The following KCNK17 variants were observed in gnomAD, a reference collection of about 807,000 sequenced individuals.
The protein encoded by KCNK17 is potassium channel subfamily K member 17.
A neutral mutation model predicts 24.6 loss-of-function variants in KCNK17; 27 were observed. The ratio of observed to expected loss-of-function variants is 1.10; its 90% CI spans 0.81 to 1.51. The LOEUF (loss-of-function observed/expected upper bound fraction) is 1.51. KCNK17 is among the 40% of genes most tolerant of loss of function. The probability of loss-of-function intolerance (pLI) is 0.00; values close to 1 mark genes in which losing one functional copy is unlikely to be tolerated. For missense variants in KCNK17, 450 were observed against 436.6 expected (o/e 1.03, Z -0.27); for synonymous variants, 181 against 189.8 (o/e 0.95, Z 0.38).
chr6:39,303,845 C>G, intron 4 of KCNK17, 112 bp downstream of exon 4: 1 of 1,261,184 alleles, frequency 7.9e-7, no homozygotes, highest in Non-Finnish European at 1.1e-6. Context: ...ATTTTGGGCC[C>G]AAAAGCCCCC....
intron 2 of KCNK17, among the ~76,000 whole-genome samples, chr6:39,309,796 C>T (rs1583770946): frequency 6.6e-6 from 1 of 152,184 alleles, no homozygotes; most frequent in African/African-American, 2.4e-5. Flanking sequence ...TGAGTGGCTG[C>T]TGTATGCTGG....
intron 4 of KCNK17, among the ~76,000 whole-genome samples, chr6:39,303,647 G>T (rs1761981247): frequency 6.6e-6 from 1 of 152,186 alleles, no homozygotes; most frequent in Non-Finnish European, 1.5e-5. Flanking sequence ...GGGAGAGAGT[G>T]AAGTGGGGAA....
chr6:39,304,260 G>A, intron 3 of KCNK17, 129 bp from the exon 4 acceptor site: 1 of 961,684 alleles, frequency 1.0e-6, no homozygotes, highest in South Asian at 1.6e-5. Context: ...GTGTTCTCCA[G>A]GTTCCCTGCC....
chr6:39,299,329 G>T lies in KCNK17; in HGVS notation c.*98C>A, dbSNP rs1309652015. ...CATATAGCTGCACCCAGCCTCTAGG[G>T]TGGATGGAAAATGTAGTCTTTAGTT... On this transcript the variant is annotated 3_prime_UTR_variant, in exon 5 of 5. Coordinates refer to ENST00000373231, the MANE Select transcript of KCNK17 (RefSeq NM_031460.4). The T allele has an allele frequency of 2.2e-6, 2 of 905,110 alleles. No individual in the cohort carries two copies. Among genetic ancestry groups the T allele is most frequent in the East Asian group, 2.6e-5 (1 of 37,924 alleles). The allele number at this position is 905,110 out of a possible 1,614,324, so 56.1% of individuals were successfully genotyped here.
At position 39,299,329 on chromosome 6, in the gene KCNK17, G is replaced by A. The variant is rs1309652015; in HGVS notation, c.*98C>T. The A allele has an allele frequency of 7.7e-6, 7 of 905,110 alleles. No homozygotes were observed. The highest frequency in any genetic ancestry group is 1.0e-5 in the Non-Finnish European group (6 of 593,250). The allele number at this position is 905,110 out of a possible 1,614,324, so 56.1% of individuals were successfully genotyped here. ...CATATAGCTGCACCCAGCCTCTAGG[G>A]TGGATGGAAAATGTAGTCTTTAGTT... On this transcript the variant is annotated 3_prime_UTR_variant, in exon 5 of 5. Transcript: ENST00000373231.
rs1761996246 is a variant in KCNK17 at position 39,304,237 on chromosome 6, C to A, written c.514-106G>T. 5 of 1,109,324 alleles carry A rather than the reference C, an allele frequency of 4.5e-6. No homozygotes were observed. In the South Asian group the frequency reaches 5.9e-5, roughly 13 times the overall value. The allele number at this position is 1,109,324 out of a possible 1,614,324, so 68.7% of individuals were successfully genotyped here. On this transcript the variant is annotated intron_variant, in intron 3 of 4. Coordinates refer to ENST00000373231, the MANE Select transcript of KCNK17 (RefSeq NM_031460.4). ...AGCTGTCCCCAGTAAGAAGGGGGCTCTTCACCTGGTCTGTGTTCTCCAGGT... is the reference window on the plus strand; with the variant it reads ...AGCTGTCCCCAGTAAGAAGGGGGCTATTCACCTGGTCTGTGTTCTCCAGGT...
chr6:39,310,829 G>T, intron 2 of KCNK17, 64 bp downstream of exon 2: 1 of 1,126,662 alleles, frequency 8.9e-7, no homozygotes, highest in Non-Finnish European at 1.3e-6. Context: ...CAACTAGCCT[G>T]TTGCCTCTCA....
intron 4 of KCNK17, chr6:39,300,398 A>G (rs1340499763): frequency 1.6e-6 from 2 of 1,240,666 alleles, no homozygotes; most frequent in Non-Finnish European, 2.3e-6. Context: ...TGTTAGAATT[A>G]CAGGTGTGAG....
rs765032763 is a variant in KCNK17, at chr6:39,299,733, C to T, written c.693G>A (p.Met231Ile). The T allele has an allele frequency of 1.2e-6, 2 of 1,612,346 alleles. No homozygotes were observed. Among genetic ancestry groups the T allele is most frequent in the Non-Finnish European group, 8.5e-7 (1 of 1,178,664 alleles). The change falls in exon 5 of 5, where the codon ATG becomes ATA. Residue 231 changes from methionine (M) to isoleucine (I), a missense_variant. Met to Ile is a conservative substitution (Grantham distance 10, BLOSUM62 1). Transcript: ENST00000373231. ...ACAGTGGGTACCTCTGGGAGGGGTT[C>T]ATTCCTGGGGAAGAGGCAAGGTCAG... ...TVGFGDYVIG[M>I]NPSQRYPLWY...
At chr6:39,302,063 C>T (rs1031676442) in intron 4 of KCNK17, among the ~76,000 whole-genome samples, 4 of 152,306 alleles carry the variant, frequency 2.6e-5, no homozygotes, top group Non-Finnish European at 5.9e-5. Flanking sequence ...TCAGTGTCTC[C>T]ATCTGTATAA....
chr6:39,312,262 G>C (rs1762153238), intron 1 of KCNK17, among the ~76,000 whole-genome samples: 1 of 152,200 alleles, frequency 6.6e-6, no homozygotes, highest in Non-Finnish European at 1.5e-5. Context: ...TCTTGGCCTT[G>C]AGGAATTTCA....
chr6:39,301,742 G>C (rs559606227), intron 4 of KCNK17, among the ~76,000 whole-genome samples: 2 of 152,224 alleles, frequency 1.3e-5, no homozygotes, highest in African/African-American at 4.8e-5. Context: ...AGGAGTAGCC[G>C]GATGGGACCT....
At chr6:39,313,210 C>T (rs1447836296) in intron 1 of KCNK17, among the ~76,000 whole-genome samples, 2 of 152,224 alleles carry the variant, frequency 1.3e-5, no homozygotes, top group African/African-American at 2.4e-5. Context: ...TAAGATGCGC[C>T]ACCCCTAGAA....
intron 2 of KCNK17, among the ~76,000 whole-genome samples, chr6:39,307,841 C>T (rs1371755247): frequency 6.6e-6 from 1 of 152,196 alleles, no homozygotes; most frequent in African/African-American, 2.4e-5. Context: ...TCTCTGAATG[C>T]AGCTCCTGTT....
rs918005889 is a variant in KCNK17, at chr6:39,304,806, G to C, written c.353-151C>G. ...ATACTTACCAAGGCCCTCCTTTTCT[G>C]TGCTGGGCACTGTGCAGGGCACCCT... is the stretch of plus-strand genomic sequence containing the variant. On this transcript the variant is annotated intron_variant, in intron 2 of 4. Coordinates refer to ENST00000373231, the MANE Select transcript of KCNK17 (RefSeq NM_031460.4). 17 of 802,768 alleles carry C rather than the reference G, an allele frequency of 2.1e-5. No homozygotes were observed. The Admixed American group carries it at 4.4e-4, about 21-fold the overall frequency. 49.7% of individuals were successfully genotyped at this position (802,768 alleles called of 1,614,324 possible).
chr6:39,303,748 G>A (rs1418917073), intron 4 of KCNK17, among the ~76,000 whole-genome samples: 1 of 152,204 alleles, frequency 6.6e-6, no homozygotes, highest in African/African-American at 2.4e-5. Flanking sequence ...GCCCGCGGAC[G>A]TGTTGGACCT....
intron 2 of KCNK17, among the ~76,000 whole-genome samples, chr6:39,310,060 A>C (rs1350033338): frequency 6.6e-6 from 1 of 152,162 alleles, no homozygotes; most frequent in Non-Finnish European, 1.5e-5. Flanking sequence ...TGGAGAGAGG[A>C]TCCTGGCTGG....
At chr6:39,306,458 G>A (rs150623061) in intron 2 of KCNK17, among the ~76,000 whole-genome samples, 1 of 152,228 alleles carries the variant, frequency 6.6e-6, no homozygotes, top group Admixed American at 6.5e-5. Context: ...ATGAATGAAT[G>A]AGGAAATACA....
At chr6:39,301,516 G>A (rs1366473576) in intron 4 of KCNK17, among the ~76,000 whole-genome samples, 1 of 152,268 alleles carries the variant, frequency 6.6e-6, no homozygotes, top group Non-Finnish European at 1.5e-5. Context: ...TGATTCCGCT[G>A]ATGGTCCTAA....
Sources: gnomAD v4.1 joint callset for allele counts (sites outside exome capture counted in the v4.1 genomes callset) on GRCh38, gnomAD v4.1.1 for gene constraint, MANE v1.5 for transcripts, NCBI Gene and HGNC (gene_info 2026-07-23, HGNC 2026-07-21) for gene names.